The following INVS variants were observed in gnomAD, a reference collection of about 807,000 sequenced individuals.
INVS encodes the protein inversion of embryo turning homolog.
In INVS, 86 loss-of-function variants were observed where a neutral mutation model predicts 108.8. The observed-to-expected ratio is 0.79, with a 90% CI of 0.66 to 0.95. The LOEUF is 0.95. Ranked by LOEUF, INVS falls within the 40% of genes least tolerant of loss-of-function variation. INVS has a pLI of 0.00. For missense variants in INVS, 1,169 were observed against 1,297.4 expected, an observed-to-expected ratio of 0.90 and a Z score of 1.52; for synonymous variants, 455 against 473.5, an observed-to-expected ratio of 0.96 and a Z score of 0.51.
chr9:100,212,794 C>T (rs1830871945), intron 3 of INVS, among the ~76,000 whole-genome samples: 1 of 152,158 alleles, frequency 6.6e-6, no homozygotes, highest in African/African-American at 2.4e-5. Context: ...ATCAGTGCTT[C>T]ACATAACCTC....
intron 10 of INVS, among the ~76,000 whole-genome samples, chr9:100,261,670 A>G (rs942624850): frequency 3.3e-5 from 5 of 152,216 alleles, no homozygotes; most frequent in African/African-American, 1.2e-4. Flanking sequence ...ATTAGCTGCT[A>G]TGTGTATTGC....
chr9:100,210,216 G>A (rs1236655079), intron 3 of INVS, among the ~76,000 whole-genome samples: 4 of 152,030 alleles, frequency 2.6e-5, no homozygotes, highest in Non-Finnish European at 4.4e-5. Context: ...TTTCTATTAC[G>A]GTCAAAGGGA....
intron 3 of INVS, among the ~76,000 whole-genome samples, chr9:100,145,581 C>G (rs1008190161): frequency 7.9e-5 from 12 of 151,838 alleles, no homozygotes; most frequent in African/African-American, 2.9e-4. Context: ...GGGTTCTTGC[C>G]CCCCTGAAAA....
intron 3 of INVS, among the ~76,000 whole-genome samples, chr9:100,197,482 C>T (rs1323260317): frequency 1.3e-5 from 2 of 152,168 alleles, no homozygotes; most frequent in Admixed American, 6.5e-5. Flanking sequence ...GTCCCAAGCA[C>T]AGGAGCTTCT....
rs75413284 is a variant in INVS, at chr9:100,201,547, T to G, written c.274-24515T>G. ...CAGAGATATCAGAAATGTGTCCATC[T>G]GCTCCCCAACCCCAGTTATCATTCT... is the stretch of plus-strand genomic sequence containing the variant. On this transcript the variant is annotated intron_variant, in intron 3 of 16. Transcript: ENST00000262457. Among the ~76,000 whole-genome samples, 710 of 152,354 alleles carry G rather than the reference T, an allele frequency of 4.7e-3. 7 individuals are homozygous for G. The highest frequency in any genetic ancestry group is 0.016 in the African/African-American group (672 of 41,578).
At chr9:100,255,916 AT>A (rs1226595816) in intron 10 of INVS, among the ~76,000 whole-genome samples, 23 of 152,206 alleles carry the variant, frequency 1.5e-4, no homozygotes, top group Non-Finnish European at 7.3e-5. Flanking sequence ...TATCAGGATG[AT>A]GCTGGCCTCA....
chr9:100,116,270 G>T (rs1253478200), intron 2 of INVS, among the ~76,000 whole-genome samples: 4 of 151,670 alleles, frequency 2.6e-5, no homozygotes, highest in Non-Finnish European at 1.5e-5. Flanking sequence ...CACTGCACCT[G>T]GCTAATTTTT....
chr9:100,177,980 C>A (rs947734804), intron 3 of INVS, among the ~76,000 whole-genome samples: 2 of 152,178 alleles, frequency 1.3e-5, no homozygotes, highest in Non-Finnish European at 2.9e-5. Flanking sequence ...GATACCTAGG[C>A]AAACAGGGTC....
In INVS at chr9:100,126,471, T is replaced by A; in HGVS notation, c.195T>A (p.Asp65Glu). The change falls in exon 3 of 17, where the codon GAT becomes GAA. Residue 65 changes from aspartate (D) to glutamate (E), a missense_variant. Transcript: ENST00000262457. ...TGGCTGACAGATTGGATTGTGCAGATGCTCTTCTGAAGGCAGGAGCAGATG... is the reference window on the plus strand; with the variant it reads ...TGGCTGACAGATTGGATTGTGCAGAAGCTCTTCTGAAGGCAGGAGCAGATG... ...CVLADRLDCADALLKAGADVN... is the reference protein window; with the variant it reads ...CVLADRLDCAEALLKAGADVN... 1 of 1,614,180 alleles carries A rather than the reference T, an allele frequency of 6.2e-7. No individual in the cohort carries two copies. The highest frequency in any genetic ancestry group is 8.5e-7 in the Non-Finnish European group (1 of 1,179,996).
chr9:100,271,440 T>C (rs1367021123), intron 11 of INVS, among the ~76,000 whole-genome samples: 2 of 152,264 alleles, frequency 1.3e-5, no homozygotes. Context: ...TATGACTAGC[T>C]GTACTTCTAT....
intron 2 of INVS, among the ~76,000 whole-genome samples, chr9:100,106,376 C>A (rs1206510787): frequency 6.6e-6 from 1 of 152,112 alleles, no homozygotes; most frequent in African/African-American, 2.4e-5. Context: ...ATGCTAAATT[C>A]TTTCCATCAA....
chr9:100,299,112 G>C (rs1012998228), intron 16 of INVS, among the ~76,000 whole-genome samples: 9 of 152,144 alleles, frequency 5.9e-5, no homozygotes, highest in African/African-American at 1.9e-4. Flanking sequence ...AGACTCAGAA[G>C]GGACAGAGTA....
At chr9:100,213,200 T>G (rs1283844597) in intron 3 of INVS, among the ~76,000 whole-genome samples, 15 of 127,926 alleles carry the variant, frequency 1.2e-4, no homozygotes, top group Non-Finnish European at 1.4e-4. Flanking sequence ...ACACATGAAT[T>G]GGGGGGGTTT....
chr9:100,102,681 G>A (rs1346335238), intron 1 of INVS: 1 of 152,314 alleles, frequency 6.6e-6, no homozygotes, highest in Non-Finnish European at 1.5e-5. Context: ...CTTTAAGTTT[G>A]GCATCAATAT....
intron 2 of INVS, among the ~76,000 whole-genome samples, chr9:100,109,918 CG>C (rs1051119372): frequency 6.6e-6 from 1 of 152,220 alleles, no homozygotes; most frequent in Non-Finnish European, 1.5e-5. Flanking sequence ...CCGCCCGCCT[CG>C]GCCTCCCGAA....
chr9:100,234,423 C>T (rs1250098353), intron 5 of INVS, among the ~76,000 whole-genome samples: 2 of 152,024 alleles, frequency 1.3e-5, no homozygotes, highest in South Asian at 2.1e-4. Flanking sequence ...AATTTGTTTG[C>T]TCTTGATTCT....
At chr9:100,195,050 G>A (rs1285087752) in intron 3 of INVS, among the ~76,000 whole-genome samples, 1 of 152,170 alleles carries the variant, frequency 6.6e-6, no homozygotes, top group African/African-American at 2.4e-5. Flanking sequence ...CCCTTCCTCT[G>A]CTATTATTTG....
intron 8 of INVS, among the ~76,000 whole-genome samples, chr9:100,251,026 CAACTT>C (rs1832216485): frequency 6.6e-6 from 1 of 152,320 alleles, no homozygotes; most frequent in Admixed American, 6.5e-5. Context: ...GTTCAGGTCT[CAACTT>C]AAATGTCAGC....
intron 5 of INVS, among the ~76,000 whole-genome samples, chr9:100,237,027 C>T (rs1276016390): frequency 6.6e-6 from 1 of 152,244 alleles, no homozygotes; most frequent in Non-Finnish European, 1.5e-5. Flanking sequence ...CTGACAGGAA[C>T]TGCTGCCTTT....
Sources: gnomAD v4.1 joint callset for allele counts (sites outside exome capture counted in the v4.1 genomes callset) on GRCh38, gnomAD v4.1.1 for gene constraint, MANE v1.5 for transcripts, NCBI Gene and HGNC (gene_info 2026-07-23, HGNC 2026-07-21) for gene names.